ATP6V1C2: variants seen among roughly 807,000 people sequenced by gnomAD.
ATP6V1C2 encodes the protein V-type proton ATPase subunit C 2.
In ATP6V1C2, 45 loss-of-function variants were observed where a neutral mutation model predicts 56.8. That is an observed-to-expected ratio of 0.79 (90% confidence interval 0.62 to 1.02). ATP6V1C2 has a LOEUF of 1.02. ATP6V1C2 is among the 50% of genes least tolerant of loss of function. The pLI is 0.00. For synonymous variants in ATP6V1C2, 220 were observed against 201.3 expected (o/e 1.09, Z -0.79); for missense variants, 463 against 519.7 (o/e 0.89, Z 1.06).
Position 10,782,288 on chromosome 2 carries a change from TAAG to T in ATP6V1C2, c.1111_1113del (p.Lys371del). 6.2e-7 allele frequency: 1 copy of T among 1,614,244 alleles called. No homozygotes were observed. The highest frequency in any genetic ancestry group is 8.5e-7 in the Non-Finnish European group (1 of 1,180,040). On this transcript the variant is annotated inframe_deletion, in exon 13 of 14. Transcript: ENST00000272238. Reference sequence around the variant, plus strand: ...TCCAGGCAGTGCTCCTGCAGCCGCATAAGAAGTCATCCACCAAGCGTTTAAGAG... The same window carrying T: ...TCCAGGCAGTGCTCCTGCAGCCGCATAAGTCATCCACCAAGCGTTTAAGAG...
At chr2:10,761,957 CA>C (rs1287472342) in intron 4 of ATP6V1C2, among the ~76,000 whole-genome samples, 2 of 152,214 alleles carry the variant, frequency 1.3e-5, no homozygotes, top group African/African-American at 4.8e-5. Context: ...CCACCTGCAG[CA>C]AGGCTGTGTC....
chr2:10,723,119 A>T (rs1367155015), intron 2 of ATP6V1C2, 141 bp downstream of exon 2: 1 of 1,044,068 alleles, frequency 9.6e-7, no homozygotes, highest in Admixed American at 2.6e-5. Flanking sequence ...AGGTTTGAGG[A>T]TGGACGGGGA....
chr2:10,766,505 G>C (rs1437615287), intron 5 of ATP6V1C2, among the ~76,000 whole-genome samples: 1 of 152,108 alleles, frequency 6.6e-6, no homozygotes, highest in African/African-American at 2.4e-5. Context: ...TGCTTTACTG[G>C]CTCCCAAATA....
In ATP6V1C2 at chr2:10,777,423, G is replaced by A. The variant is rs796932974; in HGVS notation, c.826-162G>A. On this transcript the variant is annotated intron_variant, in intron 10 of 13. Coordinates refer to ENST00000272238, the MANE Select transcript of ATP6V1C2 (RefSeq NM_001039362.2). ...TCTGCCTTCACCACTCCAGGAGCCCGGTGGGCACCTACCACATCTCTAGTC... is the reference window on the plus strand; with the variant it reads ...TCTGCCTTCACCACTCCAGGAGCCCAGTGGGCACCTACCACATCTCTAGTC... Among the ~76,000 whole-genome samples the A allele has an allele frequency of 3.9e-5, 6 of 152,346 alleles. 1 individual carries two copies. Among genetic ancestry groups the A allele is most frequent in the African/African-American group, 9.6e-5 (4 of 41,582 alleles).
At chr2:10,736,110 C>T (rs4668693) in intron 3 of ATP6V1C2, among the ~76,000 whole-genome samples, 16,647 of 152,094 alleles carry the variant, frequency 0.11, 1,897 homozygotes, top group East Asian at 0.39. Context: ...GTCTCCACCC[C>T]GAGAATCTGT....
chr2:10,771,076 G>A (rs959803334), intron 6 of ATP6V1C2, among the ~76,000 whole-genome samples: 5 of 152,354 alleles, frequency 3.3e-5, no homozygotes, highest in East Asian at 1.9e-4. Context: ...CCATGGCCAC[G>A]CAGCTGGTCA....
chr2:10,778,060 T>C (rs1665113148), intron 11 of ATP6V1C2, among the ~76,000 whole-genome samples: 1 of 152,108 alleles, frequency 6.6e-6, no homozygotes, highest in African/African-American at 2.4e-5. Flanking sequence ...CCCCTGACCT[T>C]TGTGGGCAGC....
chr2:10,747,216 C>T (rs1305281068), intron 3 of ATP6V1C2, among the ~76,000 whole-genome samples: 2 of 151,420 alleles, frequency 1.3e-5, no homozygotes, highest in Non-Finnish European at 2.9e-5. Context: ...TGCAGTGAGC[C>T]GAGATCACAC....
chr2:10,748,622 A>T (rs888850910), intron 3 of ATP6V1C2, among the ~76,000 whole-genome samples: 11 of 152,018 alleles, frequency 7.2e-5, no homozygotes, highest in Non-Finnish European at 1.3e-4. Flanking sequence ...GTTAATATAA[A>T]TTTTTTTCCT....
chr2:10,750,904 G>A (rs1663171866), intron 3 of ATP6V1C2, among the ~76,000 whole-genome samples: 1 of 152,064 alleles, frequency 6.6e-6, no homozygotes. Context: ...GCGCATAGTA[G>A]TTGTTAGTGC....
At chr2:10,739,871 G>A (rs1031984585) in intron 3 of ATP6V1C2, among the ~76,000 whole-genome samples, 25 of 152,146 alleles carry the variant, frequency 1.6e-4, no homozygotes, top group South Asian at 1.2e-3. Flanking sequence ...AGGCCGAGGC[G>A]GGCGGATCAC....
chr2:10,755,872 G>A (rs930205249), intron 4 of ATP6V1C2, among the ~76,000 whole-genome samples: 8 of 152,224 alleles, frequency 5.3e-5, no homozygotes, highest in Non-Finnish European at 4.4e-5. Context: ...TGCCTCGTTC[G>A]TGCTGATGGG....
At chr2:10,742,448 G>T (rs951945198) in intron 3 of ATP6V1C2, among the ~76,000 whole-genome samples, 3 of 152,278 alleles carry the variant, frequency 2.0e-5, no homozygotes, top group Non-Finnish European at 4.4e-5. Flanking sequence ...GAGACACTGT[G>T]TCTTAAGGCT....
intron 4 of ATP6V1C2, among the ~76,000 whole-genome samples, chr2:10,756,360 AAAAC>A (rs1334027112): frequency 1.4e-5 from 2 of 147,252 alleles, no homozygotes; most frequent in Non-Finnish European, 1.5e-5. Flanking sequence ...ACTCTGTCTC[AAAAC>A]AAACAAAAAA....
rs371343154 is a variant in ATP6V1C2 at position 10,777,745 on chromosome 2, C to T, written c.963+23C>T. 340 of 1,592,462 alleles carry T rather than the reference C, an allele frequency of 2.1e-4. 1 individual carries two copies. The highest frequency in any genetic ancestry group is 2.7e-4 in the Non-Finnish European group (320 of 1,173,130). On this transcript the variant is annotated intron_variant, in intron 11 of 13. Transcript: ENST00000272238. ...GAGGTAAGCAACGCCCCGGGAACCCCGGGGTCCCTGGCTCACATCTCCTCG... is the reference window on the plus strand; with the variant it reads ...GAGGTAAGCAACGCCCCGGGAACCCTGGGGTCCCTGGCTCACATCTCCTCG...
chr2:10,777,769 C>T (rs781641698), intron 11 of ATP6V1C2, 47 bp downstream of exon 11: 17 of 1,568,574 alleles, frequency 1.1e-5, no homozygotes, highest in Admixed American at 1.0e-4. Flanking sequence ...CACATCTCCT[C>T]GCCAGCTCAG....
intron 6 of ATP6V1C2, among the ~76,000 whole-genome samples, chr2:10,770,979 G>A (rs2148496116): frequency 6.6e-6 from 1 of 152,338 alleles, no homozygotes; most frequent in African/African-American, 2.4e-5. Flanking sequence ...GGAGAGAGGT[G>A]GGATAGTGTA....
chr2:10,727,821 CGGGGGAGGGGG>C (rs1378515700), intron 3 of ATP6V1C2, among the ~76,000 whole-genome samples: 1 of 136,356 alleles, frequency 7.3e-6, no homozygotes, highest in Non-Finnish European at 1.6e-5. Flanking sequence ...ATCGCTTGAG[CGGGGGAGGGGG>C]GATGGGGGTT....
intron 3 of ATP6V1C2, among the ~76,000 whole-genome samples, chr2:10,738,599 G>A (rs909833691): frequency 6.6e-6 from 1 of 152,162 alleles, no homozygotes; most frequent in Non-Finnish European, 1.5e-5. Flanking sequence ...CCGTGTTGGT[G>A]CTCATCGCAG....
Sources: allele counts gnomAD v4.1 joint callset (sites outside exome capture counted in the v4.1 genomes callset), GRCh38; gene constraint gnomAD v4.1.1; transcripts MANE v1.5; gene names NCBI Gene and HGNC (gene_info 2026-07-23, HGNC 2026-07-21).